CALN1: variants seen among roughly 807,000 people sequenced by gnomAD.
CALN1 encodes calcium-binding protein 8.
A neutral mutation model predicts 30.6 loss-of-function variants in CALN1; 17 were observed. The ratio of observed to expected loss-of-function variants is 0.56; its 90% CI spans 0.38 to 0.83. The LOEUF (loss-of-function observed/expected upper bound fraction) is 0.83, where lower values mean the gene tolerates loss of function less well. Ranked by LOEUF, CALN1 falls within the 40% of genes least tolerant of loss-of-function variation. CALN1 has a pLI of 0.00. For missense variants in CALN1, 291 were observed against 354.9 expected (o/e 0.82, Z 1.45); for synonymous variants, 156 against 131.4 (o/e 1.19, Z -1.28).
intron 2 of CALN1, among the ~76,000 whole-genome samples, chr7:72,337,926 G>A (rs758477953): frequency 1.7e-4 from 26 of 152,194 alleles, no homozygotes; most frequent in Non-Finnish European, 1.3e-4. Flanking sequence ...CTGCCCATGC[G>A]CTGACCTCTA....
intron 1 of CALN1, among the ~76,000 whole-genome samples, chr7:72,421,866 G>C (rs951297134): frequency 6.6e-6 from 1 of 152,000 alleles, no homozygotes; most frequent in Non-Finnish European, 1.5e-5. Context: ...ACTTATTAAT[G>C]AGAATATATG....
chr7:72,391,364 C>G (rs1805566607), intron 2 of CALN1, among the ~76,000 whole-genome samples: 1 of 152,198 alleles, frequency 6.6e-6, no homozygotes, highest in African/African-American at 2.4e-5. Flanking sequence ...TGCTGGAAGG[C>G]ATCTTATCTT....
At chr7:72,486,643 G>A in the CALN1 span, among the ~76,000 whole-genome samples, 56 of 151,730 alleles carry the variant, frequency 3.7e-4, 1 homozygote, top group African/African-American at 1.3e-3. Context: ...AAAGTGCTGG[G>A]ATTACGGGAG....
chr7:72,228,739 A>ATATTTATTTATT (rs112888645), intron 3 of CALN1, among the ~76,000 whole-genome samples: 4 of 149,252 alleles, frequency 2.7e-5, no homozygotes, highest in South Asian at 2.1e-4. Context: ...CCTTATTTAT[A>ATATTTATTTATT]TATTTATTTA....
At chr7:71,859,870 C>T (rs1791169574) in intron 5 of CALN1, among the ~76,000 whole-genome samples, 1 of 152,072 alleles carries the variant, frequency 6.6e-6, no homozygotes, top group Non-Finnish European at 1.5e-5. Context: ...ATTCCCAGGA[C>T]ATTAGGTATT....
At chr7:72,269,437 CTA>C (rs1168956549) in intron 3 of CALN1, among the ~76,000 whole-genome samples, 1 of 152,060 alleles carries the variant, frequency 6.6e-6, no homozygotes, top group Admixed American at 6.6e-5. Context: ...CAATTCCCAC[CTA>C]TGAGTGAGAA....
At chr7:71,858,757 T>C (rs1791096543) in intron 5 of CALN1, among the ~76,000 whole-genome samples, 1 of 152,260 alleles carries the variant, frequency 6.6e-6, no homozygotes, top group Admixed American at 6.5e-5. Context: ...CCTCCCCACC[T>C]CAAGTTGTCT....
chr7:72,191,549 T>C (rs1272564922), intron 3 of CALN1, among the ~76,000 whole-genome samples: 4 of 77,934 alleles, frequency 5.1e-5, no homozygotes, highest in Non-Finnish European at 6.4e-5. Context: ...TGAGACTCCG[T>C]CTCAAAAAAA....
At chr7:72,314,948 A>T (rs1800336911) in intron 2 of CALN1, among the ~76,000 whole-genome samples, 1 of 149,748 alleles carries the variant, frequency 6.7e-6, no homozygotes. Context: ...AGAGTTCAAG[A>T]CCAGCCTCAG....
At chr7:72,265,668 A>G (rs550360444) in intron 3 of CALN1, among the ~76,000 whole-genome samples, 1 of 152,134 alleles carries the variant, frequency 6.6e-6, no homozygotes, top group African/African-American at 2.4e-5. Flanking sequence ...ACACGTGGTT[A>G]CTCCTGTTCC....
intron 6 of CALN1, among the ~76,000 whole-genome samples, chr7:71,795,814 C>CTTTTTTTTTTTTTTT (rs55667543): frequency 2.0e-5 from 2 of 98,588 alleles, no homozygotes; most frequent in African/African-American, 9.0e-5. Flanking sequence ...GTACTTCATT[C>CTTTTTTTTTTTTTTT]TTTTTTTTTT....
chr7:72,337,393 C>T (rs1802137755), intron 2 of CALN1, among the ~76,000 whole-genome samples: 2 of 137,920 alleles, frequency 1.5e-5, no homozygotes, highest in Admixed American at 1.5e-4. Context: ...CTGAGGAACG[C>T]CTCGGCGCGC....
chr7:72,012,392 AG>A (rs1483257819), intron 5 of CALN1, among the ~76,000 whole-genome samples: 1 of 152,128 alleles, frequency 6.6e-6, no homozygotes, highest in African/African-American at 2.4e-5. Flanking sequence ...GGGTGCCTGT[AG>A]TGCCAGCTAC....
At chr7:72,121,969 T>A (rs906158744) in intron 3 of CALN1, among the ~76,000 whole-genome samples, 2 of 150,898 alleles carry the variant, frequency 1.3e-5, no homozygotes, top group African/African-American at 4.9e-5. Context: ...ATCGACCTTT[T>A]CCCATGTTCC....
intron 5 of CALN1, among the ~76,000 whole-genome samples, chr7:71,899,363 G>A (rs553141735): frequency 9.9e-5 from 15 of 152,112 alleles, no homozygotes; most frequent in Admixed American, 5.2e-4. Flanking sequence ...GGCTGGTCTC[G>A]AACTGCCGAC....
intron 2 of CALN1, among the ~76,000 whole-genome samples, chr7:72,394,258 A>G (rs1805772223): frequency 6.6e-6 from 1 of 152,208 alleles, no homozygotes; most frequent in Non-Finnish European, 1.5e-5. Flanking sequence ...CCTCGTCCTC[A>G]AAAGCCCTTC....
intron 2 of CALN1, among the ~76,000 whole-genome samples, chr7:72,362,401 C>G (rs186811976): frequency 5.3e-5 from 8 of 152,292 alleles, no homozygotes; most frequent in East Asian, 1.9e-4. Flanking sequence ...ACAGAGCACT[C>G]TAAGTCTCCA....
chr7:71,895,401 T>C (rs1793481828), intron 5 of CALN1, among the ~76,000 whole-genome samples: 4 of 152,178 alleles, frequency 2.6e-5, no homozygotes. Context: ...TAATTGTTCC[T>C]CTTGTTTTGA....
Position 72,183,635 on chromosome 7 carries a change from T to G in CALN1, c.245-77341A>C, listed in dbSNP as rs185795732. Among the ~76,000 whole-genome samples, 26 of 152,272 alleles carry G rather than the reference T, an allele frequency of 1.7e-4. No homozygotes were observed. In the East Asian group the frequency reaches 5.0e-3, roughly 29 times the overall value. ...TAGCCAAATCACAGTGCAAATTGAT[T>G]AAGAATTAATACATGACAGAGTGTA... On this transcript the variant is annotated intron_variant, in intron 3 of 6. Transcript: ENST00000395275.
Sources: gnomAD v4.1 joint callset for allele counts (sites outside exome capture counted in the v4.1 genomes callset) on GRCh38, gnomAD v4.1.1 for gene constraint, MANE v1.5 for transcripts, NCBI Gene and HGNC (gene_info 2026-07-23, HGNC 2026-07-21) for gene names.